RIMS2: variants seen among roughly 807,000 people sequenced by gnomAD.
RIMS2 encodes regulating synaptic membrane exocytosis 2, also known as regulating synaptic membrane exocytosis protein 2.
In RIMS2, 59 loss-of-function variants were observed where a neutral mutation model predicts 174.4. The ratio of observed to expected loss-of-function variants is 0.34; its 90% CI spans 0.27 to 0.42. The LOEUF (loss-of-function observed/expected upper bound fraction) is 0.42. RIMS2 is among the 10% of genes least tolerant of loss of function. The pLI is 1.00. For missense variants in RIMS2, 1,620 were observed against 1,666.3 expected (o/e 0.97, Z 0.48); for synonymous variants, 606 against 572.5 (o/e 1.06, Z -0.84).
At chr8:103,565,461 C>T (rs2092235640) in intron 1 of RIMS2, among the ~76,000 whole-genome samples, 1 of 152,054 alleles carries the variant, frequency 6.6e-6, no homozygotes, top group Non-Finnish European at 1.5e-5. Flanking sequence ...TGCACCACCA[C>T]ACCTGCTAAT....
intron 19 of RIMS2, among the ~76,000 whole-genome samples, chr8:104,210,580 T>C (rs1419398750): frequency 6.6e-6 from 1 of 152,282 alleles, no homozygotes; most frequent in East Asian, 1.9e-4. Flanking sequence ...CACATATCTC[T>C]CTTTTTTAAA....
intron 14 of RIMS2, among the ~76,000 whole-genome samples, chr8:103,957,545 G>T (rs1425311763): frequency 6.6e-6 from 1 of 152,144 alleles, no homozygotes; most frequent in African/African-American, 2.4e-5. Flanking sequence ...TTCATAACTG[G>T]GAGTTAAACA....
At chr8:104,155,583 T>G (rs2098718557) in intron 19 of RIMS2, among the ~76,000 whole-genome samples, 1 of 150,856 alleles carries the variant, frequency 6.6e-6, no homozygotes. Context: ...CCGGCTAATT[T>G]TTTGTATTTT....
chr8:103,636,975 T>G (rs1023822790), intron 1 of RIMS2, among the ~76,000 whole-genome samples: 2 of 152,190 alleles, frequency 1.3e-5, no homozygotes, highest in African/African-American at 4.8e-5. Context: ...TTAGTTCTGA[T>G]TGGCCAAGAT....
chr8:103,756,458 A>T (rs2098010974), intron 2 of RIMS2, among the ~76,000 whole-genome samples: 1 of 140,368 alleles, frequency 7.1e-6, no homozygotes, highest in Admixed American at 7.3e-5. Context: ...CTTTCTTAAG[A>T]CAGGTGTCAC....
At chr8:103,999,151 T>G (rs1175846036) in intron 17 of RIMS2, among the ~76,000 whole-genome samples, 1 of 151,740 alleles carries the variant, frequency 6.6e-6, no homozygotes, top group African/African-American at 2.4e-5. Context: ...CTAAGTGATT[T>G]AGAGTTATGT....
At chr8:104,245,043 C>T (rs750739690) in exon 20 of RIMS2, 2 of 1,613,796 alleles carry the variant, frequency 1.2e-6, no homozygotes, top group South Asian at 2.2e-5. Context: ...TGAACAGCTA[C>T]AGCTCAGAAG....
chr8:104,240,894 G>A (rs2099287109), intron 19 of RIMS2, among the ~76,000 whole-genome samples: 1 of 152,030 alleles, frequency 6.6e-6, no homozygotes, highest in South Asian at 2.1e-4. Flanking sequence ...TGCTTTAAAT[G>A]CATTGTTTTC....
At chr8:103,920,166 CT>C (rs2077335574) in intron 9 of RIMS2, among the ~76,000 whole-genome samples, 2 of 152,034 alleles carry the variant, frequency 1.3e-5, no homozygotes, top group African/African-American at 4.8e-5. Flanking sequence ...ATCTTTTATT[CT>C]TTAAACATTG....
intron 1 of RIMS2, among the ~76,000 whole-genome samples, chr8:103,631,043 A>C (rs2095906237): frequency 6.6e-6 from 1 of 152,102 alleles, no homozygotes; most frequent in Admixed American, 6.5e-5. Context: ...TGCATAGTTC[A>C]CAAATATTTT....
exon 4 of RIMS2, chr8:103,886,215 G>C: frequency 6.2e-7 from 1 of 1,606,002 alleles, no homozygotes; most frequent in South Asian, 1.1e-5. Context: ...GAGAGTGTAA[G>C]TGAAAAAGGT....
At chr8:103,652,325 G>A in intron 1 of RIMS2, 88 bp downstream of exon 2, 1 of 722,232 alleles carries the variant, frequency 1.4e-6, no homozygotes, top group South Asian at 1.4e-5. Context: ...ACTAATACTG[G>A]ATAGGCTGCA....
At chr8:103,928,175 C>T (rs1005908746) in intron 11 of RIMS2, among the ~76,000 whole-genome samples, 3 of 151,460 alleles carry the variant, frequency 2.0e-5, no homozygotes, top group Admixed American at 2.0e-4. Context: ...GTAGATTCTA[C>T]ATATATATGA....
chr8:103,566,201 A>G (rs2092328827), intron 1 of RIMS2, among the ~76,000 whole-genome samples: 1 of 152,144 alleles, frequency 6.6e-6, no homozygotes. Flanking sequence ...GGTATTTCTT[A>G]CATCCTGTTT....
intron 3 of RIMS2, among the ~76,000 whole-genome samples, chr8:103,777,257 A>G (rs1360383596): frequency 1.3e-5 from 2 of 152,054 alleles, no homozygotes; most frequent in Non-Finnish European, 2.9e-5. Flanking sequence ...AAGAATTAAA[A>G]GGACAGAACC....
At chr8:103,904,055 C>T (rs1344869640) in intron 4 of RIMS2, among the ~76,000 whole-genome samples, 1 of 152,080 alleles carries the variant, frequency 6.6e-6, no homozygotes, top group Non-Finnish European at 1.5e-5. Context: ...TACTATATTA[C>T]CACAAAGATT....
intron 1 of RIMS2, among the ~76,000 whole-genome samples, chr8:103,603,322 T>A (rs1246468979): frequency 6.6e-6 from 1 of 152,040 alleles, no homozygotes; most frequent in Non-Finnish European, 1.5e-5. Context: ...ACAAAGGACA[T>A]GAACTCATCA....
intron 3 of RIMS2, among the ~76,000 whole-genome samples, chr8:103,826,326 T>C (rs1466184366): frequency 6.6e-6 from 1 of 152,046 alleles, no homozygotes; most frequent in Non-Finnish European, 1.5e-5. Flanking sequence ...ACTATCTTTT[T>C]TTTTTTCCTT....
At chr8:103,803,932 G>A (rs2098632686) in intron 3 of RIMS2, among the ~76,000 whole-genome samples, 1 of 152,150 alleles carries the variant, frequency 6.6e-6, no homozygotes, top group Non-Finnish European at 1.5e-5. Context: ...AATAAACGTG[G>A]TCCAGTGGAC....
Sources: gnomAD v4.1 joint callset for allele counts (sites outside exome capture counted in the v4.1 genomes callset) on GRCh38, gnomAD v4.1.1 for gene constraint, MANE v1.5 for transcripts, NCBI Gene and HGNC (gene_info 2026-07-23, HGNC 2026-07-21) for gene names.